The following ANK3 variants were observed in gnomAD, a reference collection of about 807,000 sequenced individuals.
ANK3 encodes the protein ankyrin-3.
ANK3 carries 57 observed loss-of-function variants against 370.9 expected under a neutral mutation model. That is an observed-to-expected ratio of 0.15 (90% CI 0.12 to 0.19). ANK3 has a LOEUF of 0.19. ANK3 is among the 10% of genes least tolerant of loss of function. ANK3 has a pLI of 1.00. For synonymous variants in ANK3, 1,929 were observed against 1,946.3 expected (o/e 0.99, Z 0.23); for missense variants, 4,439 against 5,302.1 (o/e 0.84, Z 5.06).
At chr10:60,540,881 TC>T (rs2133215146) in intron 2 of ANK3, among the ~76,000 whole-genome samples, 1 of 152,066 alleles carries the variant, frequency 6.6e-6, no homozygotes, top group South Asian at 2.1e-4. Context: ...AATGTGCATA[TC>T]AAAATTTCAC....
intron 1 of ANK3, among the ~76,000 whole-genome samples, chr10:60,322,670 T>C (rs1464329956): frequency 1.3e-5 from 2 of 152,266 alleles, no homozygotes; most frequent in African/African-American, 4.8e-5. Flanking sequence ...TGTCAGACTC[T>C]CTTTTAGGCA....
At chr10:60,566,997 G>A (rs530861689) in intron 2 of ANK3, among the ~76,000 whole-genome samples, 1 of 152,212 alleles carries the variant, frequency 6.6e-6, no homozygotes, top group Non-Finnish European at 1.5e-5. Flanking sequence ...AGCTAGTAGA[G>A]GTTGATTCAA....
chr10:60,042,850 C>A, intron 42 of ANK3, 91 bp from the exon 43 acceptor site: 1 of 1,573,780 alleles, frequency 6.4e-7, no homozygotes, highest in Admixed American at 1.9e-5. Context: ...TGGATTAGGA[C>A]AAGCGAAACA....
intron 1 of ANK3, among the ~76,000 whole-genome samples, chr10:60,296,983 G>GAAAT (rs760825179): frequency 2.0e-5 from 3 of 152,002 alleles, no homozygotes; most frequent in Admixed American, 1.3e-4. Flanking sequence ...TTGTCTCAAA[G>GAAAT]AAATAAATAA....
chr10:60,041,619 T>G (rs1028735098), intron 43 of ANK3, among the ~76,000 whole-genome samples: 11 of 152,226 alleles, frequency 7.2e-5, no homozygotes, highest in Admixed American at 5.9e-4. Context: ...TAGTAAACAT[T>G]CTTTCCAGAA....
chr10:60,542,697 T>C (rs544339721), intron 2 of ANK3, among the ~76,000 whole-genome samples: 1 of 152,016 alleles, frequency 6.6e-6, no homozygotes. Flanking sequence ...AATTAGATAA[T>C]CAGAGAACAA....
chr10:60,622,443 A>G (rs2078350778), intron 1 of ANK3, among the ~76,000 whole-genome samples: 1 of 151,924 alleles, frequency 6.6e-6, no homozygotes, highest in Admixed American at 6.6e-5. Context: ...GGGTTTCATC[A>G]TGTTGGTCAG....
chr10:60,214,296 T>C (rs1197792182), intron 8 of ANK3, among the ~76,000 whole-genome samples: 1 of 152,178 alleles, frequency 6.6e-6, no homozygotes, highest in African/African-American at 2.4e-5. Context: ...GAAACCTTGT[T>C]CATGTAGACT....
At chr10:60,691,632 T>A (rs1366732248) in intron 1 of ANK3, among the ~76,000 whole-genome samples, 1 of 152,188 alleles carries the variant, frequency 6.6e-6, no homozygotes, top group Non-Finnish European at 1.5e-5. Context: ...ATGACCTTTT[T>A]CCCAGCCAAA....
intron 1 of ANK3, among the ~76,000 whole-genome samples, chr10:60,681,727 G>T (rs770730920): frequency 1.3e-5 from 2 of 152,184 alleles, no homozygotes; most frequent in Non-Finnish European, 2.9e-5. Context: ...TGTCTCCAGT[G>T]CAGGGCAGAC....
chr10:60,530,131 T>G (rs1011361199), intron 2 of ANK3, among the ~76,000 whole-genome samples: 1 of 152,188 alleles, frequency 6.6e-6, no homozygotes, highest in Non-Finnish European at 1.5e-5. Flanking sequence ...AAGCCAATCT[T>G]GGTGCCCAGG....
intron 2 of ANK3, among the ~76,000 whole-genome samples, chr10:60,576,368 C>A (rs2077683068): frequency 6.6e-6 from 1 of 152,174 alleles, no homozygotes; most frequent in South Asian, 2.1e-4. Flanking sequence ...TAGAACAGAT[C>A]TATTTTTAAA....
At chr10:60,383,374 T>A (rs1025333906) in intron 1 of ANK3, among the ~76,000 whole-genome samples, 2 of 152,154 alleles carry the variant, frequency 1.3e-5, no homozygotes, top group African/African-American at 4.8e-5. Context: ...ATCCTACTAT[T>A]ACATCCATTT....
intron 23 of ANK3, among the ~76,000 whole-genome samples, chr10:60,153,374 T>C (rs565162819): frequency 6.6e-6 from 1 of 151,904 alleles, no homozygotes; most frequent in Non-Finnish European, 1.5e-5. Context: ...ATGGGGGTGG[T>C]GAAAATGGAG....
At position 60,512,174 on chromosome 10, in the gene ANK3, C is replaced by G. The variant is rs189030351; in HGVS notation, c.96+103012G>C. 3.7e-3 allele frequency among the ~76,000 whole-genome samples: 557 copies of G among 152,048 alleles called. 1 individual carries two copies. Among genetic ancestry groups the G allele is most frequent in the African/African-American group, 0.013 (536 of 41,468 alleles). On this transcript the variant is annotated intron_variant, in intron 2 of 43. Transcript: ENST00000373827. ...GTATAGGAAAAGTTCATTTTCATCTCCCAGAAGTCAGGGAAGTAAATAAAA... is the reference window on the plus strand; with the variant it reads ...GTATAGGAAAAGTTCATTTTCATCTGCCAGAAGTCAGGGAAGTAAATAAAA...
chr10:60,266,743 T>C (rs1485820247), intron 5 of ANK3, among the ~76,000 whole-genome samples: 1 of 152,214 alleles, frequency 6.6e-6, no homozygotes, highest in Non-Finnish European at 1.5e-5. Flanking sequence ...CCAGATTTTG[T>C]TTCAAAACCA....
intron 4 of ANK3, among the ~76,000 whole-genome samples, chr10:60,275,394 C>T (rs1438024479): frequency 2.0e-5 from 3 of 152,094 alleles, no homozygotes; most frequent in Non-Finnish European, 2.9e-5. Context: ...ATAAGTATTC[C>T]TATGACTTCA....
intron 1 of ANK3, among the ~76,000 whole-genome samples, chr10:60,373,003 T>C (rs2060310495): frequency 6.6e-6 from 1 of 152,246 alleles, no homozygotes; most frequent in African/African-American, 2.4e-5. Flanking sequence ...TTAAAACCAG[T>C]ATTTATTGTA....
Position 60,594,844 on chromosome 10 carries a change from G to A in ANK3, c.96+20342C>T, listed in dbSNP as rs569445829. 2.6e-5 allele frequency among the ~76,000 whole-genome samples: 4 copies of A among 152,158 alleles called. No individual in the cohort carries two copies. In the East Asian group the frequency reaches 7.7e-4, roughly 29 times the overall value. On this transcript the variant is annotated intron_variant, in intron 2 of 43. Coordinates refer to the ANK3 transcript ENST00000373827. ...TTTACAAGGGTTAGTCCTGCTGGTTGTGCCTGAGTAATGCATGTTCTCTGG... is the reference window on the plus strand; with the variant it reads ...TTTACAAGGGTTAGTCCTGCTGGTTATGCCTGAGTAATGCATGTTCTCTGG...
Sources: allele counts gnomAD v4.1 joint callset (sites outside exome capture counted in the v4.1 genomes callset), GRCh38; gene constraint gnomAD v4.1.1; transcripts MANE v1.5; gene names NCBI Gene and HGNC (gene_info 2026-07-23, HGNC 2026-07-21).